The following LIPK variants were observed in gnomAD, a reference collection of about 807,000 sequenced individuals.
LIPK encodes lipase family member K, also known as lipase member K.
Under a neutral mutation model 48.6 loss-of-function variants are expected in LIPK, and 32 were observed. That is an observed-to-expected ratio of 0.66 (90% CI 0.50 to 0.88). LIPK has a LOEUF of 0.88. LIPK is among the 40% of genes least tolerant of loss of function. The pLI is 0.00. For synonymous variants in LIPK, 164 were observed against 157.4 expected (o/e 1.04, Z -0.32); for missense variants, 507 against 478.5 (o/e 1.06, Z -0.56).
At chr10:88,720,687 G>T (rs1842205341) in intron 1 of LIPK, among the ~76,000 whole-genome samples, 1 of 146,464 alleles carries the variant, frequency 6.8e-6, no homozygotes. Context: ...ATGTGTGTGT[G>T]TAGTCTGAAT....
At chr10:88,714,882 A>G (rs1842088705) in intron 1 of LIPK, among the ~76,000 whole-genome samples, 1 of 151,746 alleles carries the variant, frequency 6.6e-6, no homozygotes, top group Admixed American at 6.6e-5. Flanking sequence ...CCTCTTTATT[A>G]TTCCTCTCCT....
chr10:88,710,648 T>C (rs1198182438), intron 1 of LIPK, among the ~76,000 whole-genome samples: 1 of 152,196 alleles, frequency 6.6e-6, no homozygotes, highest in East Asian at 1.9e-4. Context: ...GTGATATTTA[T>C]CCAGGCTGTT....
At chr10:88,739,178 T>A (rs1353124449) in intron 7 of LIPK, among the ~76,000 whole-genome samples, 1 of 152,258 alleles carries the variant, frequency 6.6e-6, no homozygotes, top group African/African-American at 2.4e-5. Flanking sequence ...ACCGACTGAA[T>A]TAATTCTGTT....
At chr10:88,725,941 G>C (rs1418756460) in intron 2 of LIPK, among the ~76,000 whole-genome samples, 3 of 152,204 alleles carry the variant, frequency 2.0e-5, no homozygotes, top group African/African-American at 7.2e-5. Flanking sequence ...TGGTGAGCAG[G>C]AGATGGAAAG....
chr10:88,737,125 C>G (rs1328329435), intron 6 of LIPK, among the ~76,000 whole-genome samples: 1 of 152,056 alleles, frequency 6.6e-6, no homozygotes. Context: ...CTGTATTAGT[C>G]ACTAATTATG....
At chr10:88,727,570 C>G in intron 3 of LIPK, 1 of 157,930 alleles carries the variant, frequency 6.3e-6, no homozygotes, top group Non-Finnish European at 1.4e-5. Context: ...CCCAGAACTC[C>G]GCCTTCAGCA....
intron 9 of LIPK, among the ~76,000 whole-genome samples, chr10:88,747,310 A>G (rs1460865601): frequency 6.6e-6 from 1 of 152,190 alleles, no homozygotes; most frequent in East Asian, 1.9e-4. Flanking sequence ...CAGAAACACA[A>G]TGAATAAAGA....
chr10:88,737,500 G>A (rs1842596082), intron 6 of LIPK, 135 bp from the exon 7 acceptor site: 1 of 835,496 alleles, frequency 1.2e-6, no homozygotes, highest in South Asian at 2.0e-5. Flanking sequence ...CTAATAACAA[G>A]CCTCATGATT....
At position 88,714,068 on chromosome 10, in the gene LIPK, G is replaced by C. The variant is rs1171657889; in HGVS notation, c.-12+7748G>C. 2.0e-5 allele frequency among the ~76,000 whole-genome samples: 3 copies of C among 152,050 alleles called. No homozygotes were observed. In the South Asian group the frequency reaches 6.2e-4, roughly 31 times the overall value. ...TTTATTTTATTTAATAGCACCTCCA[G>C]TATCACGGTAAATGGAGGTGATAAG... On this transcript the variant is annotated intron_variant, in intron 1 of 9. Transcript: ENST00000404190.
intron 6 of LIPK, among the ~76,000 whole-genome samples, chr10:88,736,424 T>A (rs1210351199): frequency 6.6e-6 from 1 of 152,156 alleles, no homozygotes; most frequent in East Asian, 1.9e-4. Context: ...AGTGTAAATG[T>A]CCCCATAATA....
At chr10:88,751,637 C>T (rs2134804674) in intron 9 of LIPK, among the ~76,000 whole-genome samples, 1 of 152,208 alleles carries the variant, frequency 6.6e-6, no homozygotes, top group South Asian at 2.1e-4. Context: ...GACTTTTCTC[C>T]CCAGCTGCTA....
intron 1 of LIPK, among the ~76,000 whole-genome samples, chr10:88,709,444 C>T (rs1841989238): frequency 6.6e-6 from 1 of 151,940 alleles, no homozygotes; most frequent in South Asian, 2.1e-4. Flanking sequence ...TGTCCCCCAC[C>T]CCCCGACAGG....
Position 88,752,643 on chromosome 10 carries a change from T to C in LIPK, c.1087T>C (p.Tyr363His), listed in dbSNP as rs748827486. The change falls in exon 10 of 10, where the codon TAT (tyrosine) becomes CAT (histidine). Residue 363 changes from tyrosine to histidine, a missense_variant. Physicochemically the swap from Tyr to His is moderately conservative, Grantham distance 83. Transcript: ENST00000404190. ...NLLPQIANLIYYKLIPHYNHV... is the reference protein window; with the variant it reads ...NLLPQIANLIHYKLIPHYNHV... ...ACTTCCTCAAATTGCTAACCTTATT[T>C]ATTACAAGCTGATTCCACACTACAA... 9.5e-6 allele frequency: 15 copies of C among 1,573,344 alleles called. 1 individual carries two copies. Among genetic ancestry groups the C allele is most frequent in the East Asian group, 9.2e-5 (4 of 43,512 alleles).
chr10:88,731,063 TTGGCTTTCCTTC>T lies in LIPK; in HGVS notation c.309_320del (p.Phe104_Ala107del), dbSNP rs1842455673. Reference sequence around the variant, plus strand: ...GATTTGCAACCTGCCCAACAACAGTTTGGCTTTCCTTCTGGCAGATAGTGGTTATGACGTGTG... The same window carrying T: ...GATTTGCAACCTGCCCAACAACAGTTTGGCAGATAGTGGTTATGACGTGTG... On this transcript the variant is annotated inframe_deletion, in exon 4 of 10. Transcript: ENST00000404190. 6.2e-7 allele frequency: 1 copy of T among 1,603,450 alleles called. No homozygotes were observed. The highest frequency in any genetic ancestry group is 1.7e-5 in the Admixed American group (1 of 58,462).
chr10:88,746,743 G>T (rs541076658), intron 9 of LIPK, among the ~76,000 whole-genome samples: 32 of 152,188 alleles, frequency 2.1e-4, no homozygotes, highest in African/African-American at 6.7e-4. Flanking sequence ...TCCAGAGCTA[G>T]CAGAAGAAAA....
intron 9 of LIPK, among the ~76,000 whole-genome samples, chr10:88,751,359 G>GA (rs956889333): frequency 3.2e-4 from 49 of 150,806 alleles, no homozygotes; most frequent in African/African-American, 8.1e-4. Flanking sequence ...AGAAATTTGG[G>GA]AAAAAAAAAT....
At chr10:88,742,889 T>C (rs181818527) in intron 8 of LIPK, among the ~76,000 whole-genome samples, 2 of 152,364 alleles carry the variant, frequency 1.3e-5, no homozygotes, top group East Asian at 3.9e-4. Flanking sequence ...GTATAGCTAA[T>C]GCCTTTTTAA....
At chr10:88,741,460 A>G (rs140291148) in intron 8 of LIPK, among the ~76,000 whole-genome samples, 72 of 152,300 alleles carry the variant, frequency 4.7e-4, no homozygotes, top group African/African-American at 1.6e-3. Context: ...TGCTGGACTC[A>G]AGCAATCCTC....
intron 6 of LIPK, among the ~76,000 whole-genome samples, chr10:88,733,870 C>G (rs993021027): frequency 1.3e-5 from 2 of 152,198 alleles, no homozygotes; most frequent in African/African-American, 4.8e-5. Flanking sequence ...TACAAGGAAA[C>G]TTTCCAGCTT....
Sources: gnomAD v4.1 joint callset for allele counts (sites outside exome capture counted in the v4.1 genomes callset) on GRCh38, gnomAD v4.1.1 for gene constraint, MANE v1.5 for transcripts, NCBI Gene and HGNC (gene_info 2026-07-23, HGNC 2026-07-21) for gene names.